The following C8A variants were observed in gnomAD, a reference collection of about 807,000 sequenced individuals.
C8A encodes complement component C8 alpha chain.
Under a neutral mutation model 65.3 loss-of-function variants are expected in C8A, and 67 were observed. That is an observed-to-expected ratio of 1.03 (90% CI 0.84 to 1.26). The LOEUF (loss-of-function observed/expected upper bound fraction) is 1.26. C8A is among the 50% of genes most tolerant of loss of function. The pLI is 0.00. For missense variants in C8A, 781 were observed against 723.9 expected, an observed-to-expected ratio of 1.08 and a Z score of -0.90; for synonymous variants, 290 against 259.4, an observed-to-expected ratio of 1.12 and a Z score of -1.13.
chr1:56,906,937 A>G, intron 8 of C8A, 145 bp downstream of exon 8: 8 of 996,226 alleles, frequency 8.0e-6, no homozygotes, highest in South Asian at 5.5e-5. Context: ...CCCCAAAACA[A>G]TGACCTGCAG....
At position 56,908,028 on chromosome 1, in the gene C8A, G is replaced by A; in HGVS notation, c.1295G>A (p.Gly432Asp). The change falls in exon 9 of 11, where the codon GGT (glycine) becomes GAT (aspartate). Residue 432 changes from glycine (G) to aspartate (D), a missense_variant. Gly to Asp is a moderately conservative substitution (Grantham distance 94, BLOSUM62 -1). Coordinates refer to ENST00000361249, the MANE Select transcript of C8A (RefSeq NM_000562.3). Reference sequence around the variant, plus strand: ...CGAGGTGGCAGTTCTGGCTGGAGCGGTGGCTTGGCACAGAACAGGAGCACC... The same window carrying A: ...CGAGGTGGCAGTTCTGGCTGGAGCGATGGCTTGGCACAGAACAGGAGCACC... ...RVRGGSSGWSGGLAQNRSTIT... is the reference protein window; with the variant it reads ...RVRGGSSGWSDGLAQNRSTIT... 2 of 1,614,194 alleles carry A rather than the reference G, an allele frequency of 1.2e-6. No homozygotes were observed. Among genetic ancestry groups the A allele is most frequent in the African/African-American group, 2.7e-5 (2 of 75,056 alleles).
At chr1:56,902,279 C>T (rs1247719305) in intron 7 of C8A, among the ~76,000 whole-genome samples, 1 of 152,186 alleles carries the variant, frequency 6.6e-6, no homozygotes, top group Non-Finnish European at 1.5e-5. Context: ...GGTCCTAGTT[C>T]TTGCCCTTGC....
In C8A at chr1:56,854,813, TC is replaced by T. The variant is rs1643957123; in HGVS notation, c.-86del. The T allele has an allele frequency of 9.4e-7, 1 of 1,065,578 alleles. No homozygotes were observed. The highest frequency in any genetic ancestry group is 1.4e-6 in the Non-Finnish European group (1 of 701,332). The allele number at this position is 1,065,578 out of a possible 1,614,324, so 66.0% of individuals were successfully genotyped here. ...TCCAACATCAGATAGATCTTACAGG[TC>T]CCAGCCTGTAGACATCTTTTACTCC... is the stretch of plus-strand genomic sequence containing the variant. On this transcript the variant is annotated 5_prime_UTR_variant, in exon 1 of 11. Transcript: ENST00000361249.
Position 56,885,956 on chromosome 1 carries a change from G to C in C8A, c.885G>C (p.Lys295Asn), listed in dbSNP as rs1317721300. Reference protein sequence around the residue: ...KKFIFTRIFTKVQTAHFKMRK... With the variant: ...KKFIFTRIFTNVQTAHFKMRK... ...TCATTTTCACAAGAATCTTCACAAA[G>C]GTGCAGACTGCACATTTTAAGATGA... is the stretch of plus-strand genomic sequence containing the variant. Residue 295 changes from lysine to asparagine, a missense_variant, in exon 7 of 11, where the codon AAG becomes AAC. By Grantham distance (94) the Lys-to-Asn change is moderately conservative. Coordinates refer to ENST00000361249, the MANE Select transcript of C8A (RefSeq NM_000562.3). 6.2e-7 allele frequency: 1 copy of C among 1,613,870 alleles called. No individual in the cohort carries two copies. The highest frequency in any genetic ancestry group is 1.1e-5 in the South Asian group (1 of 91,080).
At chr1:56,863,634 C>A (rs987090296) in intron 1 of C8A, among the ~76,000 whole-genome samples, 1 of 152,152 alleles carries the variant, frequency 6.6e-6, no homozygotes, top group Admixed American at 6.5e-5. Context: ...CCTTCCAATT[C>A]GCCATGTTCC....
rs1291547207 is a variant in C8A at position 56,885,922 on chromosome 1, G to T, written c.856-5G>T. ...TTTGCTTTATTCAATGGCGGTTGCT[G>T]GCAGAAATTCATTTTCACAAGAATC... On this transcript the variant is annotated splice_polypyrimidine_tract_variant and splice_region_variant and intron_variant, in intron 6 of 10. Coordinates refer to ENST00000361249, the MANE Select transcript of C8A (RefSeq NM_000562.3). The T allele has an allele frequency of 3.1e-6, 5 of 1,613,788 alleles. No individual in the cohort carries two copies. Among genetic ancestry groups the T allele is most frequent in the Non-Finnish European group, 3.4e-6 (4 of 1,179,884 alleles).
intron 7 of C8A, among the ~76,000 whole-genome samples, chr1:56,888,159 C>A (rs776036157): frequency 3.9e-5 from 6 of 152,090 alleles, no homozygotes; most frequent in South Asian, 2.1e-4. Flanking sequence ...TTAGTATTAT[C>A]TTCCTTATCC....
intron 2 of C8A, 62 bp downstream of exon 2, chr1:56,867,764 A>G: frequency 8.1e-7 from 1 of 1,240,620 alleles, no homozygotes; most frequent in Non-Finnish European, 1.2e-6. Context: ...AGGCATTCAA[A>G]TGGAGATTAA....
At chr1:56,872,125 T>C (rs547788995) in intron 2 of C8A, among the ~76,000 whole-genome samples, 5 of 152,288 alleles carry the variant, frequency 3.3e-5, no homozygotes, top group Admixed American at 2.0e-4. Context: ...ATGACCTAAC[T>C]GCAATATTCC....
At chr1:56,911,758 C>T (rs1475832092) in intron 9 of C8A, among the ~76,000 whole-genome samples, 1 of 152,240 alleles carries the variant, frequency 6.6e-6, no homozygotes, top group Non-Finnish European at 1.5e-5. Context: ...TAACTCCCAC[C>T]CAGCCACATG....
chr1:56,902,234 G>A (rs968994215), intron 7 of C8A, among the ~76,000 whole-genome samples: 5 of 152,234 alleles, frequency 3.3e-5, no homozygotes, highest in South Asian at 4.1e-4. Flanking sequence ...CTTATGCTAA[G>A]CCTAAACTTG....
intron 5 of C8A, among the ~76,000 whole-genome samples, chr1:56,882,165 G>A (rs867361095): frequency 2.6e-5 from 4 of 152,100 alleles, no homozygotes; most frequent in African/African-American, 9.7e-5. Flanking sequence ...AATTGCTGAC[G>A]ATCACTAAGA....
chr1:56,899,171 A>G (rs984377110), intron 7 of C8A, among the ~76,000 whole-genome samples: 6 of 152,116 alleles, frequency 3.9e-5, no homozygotes, highest in African/African-American at 1.2e-4. Context: ...CTGCATATAC[A>G]TGGAACTGAG....
intron 7 of C8A, 59 bp from the exon 8 acceptor site, chr1:56,906,608 C>G (rs1644465659): frequency 1.9e-6 from 3 of 1,603,354 alleles, no homozygotes; most frequent in Non-Finnish European, 2.6e-6. Context: ...CATAGTTGTA[C>G]CATGTCAAGT....
rs771470314 is a variant in C8A at position 56,906,837 on chromosome 1, T to TA, written c.1222+45_1222+46insA. ...TCTCCCAAAAAGAGAAGCCAGGCTT[T>TA]CCTTTGGACACACACTGGGACATGG... On this transcript the variant is annotated intron_variant, in intron 8 of 10. Coordinates refer to ENST00000361249, the MANE Select transcript of C8A (RefSeq NM_000562.3). 6.2e-6 allele frequency: 10 copies of TA among 1,612,592 alleles called. No individual in the cohort carries two copies. The South Asian group carries it at 1.1e-4, about 18-fold the overall frequency.
At chr1:56,901,468 A>G (rs1170176371) in intron 7 of C8A, among the ~76,000 whole-genome samples, 4 of 152,038 alleles carry the variant, frequency 2.6e-5, no homozygotes, top group Admixed American at 2.6e-4. Flanking sequence ...CCTGCGCCAC[A>G]ACCAAGACCA....
At chr1:56,899,264 G>C (rs1644407621) in intron 7 of C8A, among the ~76,000 whole-genome samples, 1 of 152,096 alleles carries the variant, frequency 6.6e-6, no homozygotes, top group East Asian at 1.9e-4. Flanking sequence ...ATACTTAAAG[G>C]AGAAAAGCTG....
chr1:56,902,681 ATACCCTTTGATTCTATATAT>A lies in C8A; in HGVS notation c.1097-3985_1097-3966del, dbSNP rs1644435631. On this transcript the variant is annotated intron_variant, in intron 7 of 10. Coordinates refer to ENST00000361249, the MANE Select transcript of C8A (RefSeq NM_000562.3). The stretch of plus-strand genomic sequence containing the variant: ...CCCCCAGCCCCTGGCAACAACCATG[ATACCCTTTGATTCTATATAT>A]CTGACTATTCATATATCTAATATAA... Among the ~76,000 whole-genome samples the A allele has an allele frequency of 2.6e-5, 4 of 152,220 alleles. No homozygotes were observed. In the East Asian group the frequency reaches 7.7e-4, roughly 29 times the overall value.
intron 10 of C8A, 86 bp from the exon 11 acceptor site, chr1:56,917,479 C>T (rs1182308579): frequency 7.0e-7 from 1 of 1,432,954 alleles, no homozygotes; most frequent in Non-Finnish European, 9.8e-7. Flanking sequence ...AAGGGTGCCA[C>T]ACACCCCTCC....
Sources: allele counts gnomAD v4.1 joint callset (sites outside exome capture counted in the v4.1 genomes callset), GRCh38; gene constraint gnomAD v4.1.1; transcripts MANE v1.5; gene names NCBI Gene and HGNC (gene_info 2026-07-23, HGNC 2026-07-21).